HNRNPUL1: variants seen among roughly 807,000 people sequenced by gnomAD.
HNRNPUL1 encodes heterogeneous nuclear ribonucleoprotein U-like protein 1.
Under a neutral mutation model 108.5 loss-of-function variants are expected in HNRNPUL1, and 14 were observed. That is an observed-to-expected ratio of 0.13 (90% CI 0.09 to 0.20). HNRNPUL1 has a LOEUF of 0.20. Ranked by LOEUF, HNRNPUL1 falls within the 10% of genes least tolerant of loss-of-function variation. The pLI is 1.00. For synonymous variants in HNRNPUL1, 422 were observed against 445.2 expected, an observed-to-expected ratio of 0.95 and a Z score of 0.66; for missense variants, 804 against 1,168.3, an observed-to-expected ratio of 0.69 and a Z score of 4.55.
chr19:41,271,994 T>C, intron 2 of HNRNPUL1, 88 bp from the exon 3 acceptor site: 2 of 1,454,404 alleles, frequency 1.4e-6, no homozygotes, highest in Non-Finnish European at 9.4e-7. Flanking sequence ...AGGATCCTGC[T>C]CACATCTCTC....
rs2034669678 is a variant in HNRNPUL1, at chr19:41,264,383, C to T, written c.-121C>T. ...CGGTGGCGGCGGCCATTTTGAGCCG[C>T]TGCCGCCATTGGAGTGGGCCCCCCC... On this transcript the variant is annotated 5_prime_UTR_variant, in exon 1 of 15. Transcript: ENST00000392006. The T allele has an allele frequency of 7.0e-6, 6 of 851,286 alleles. No individual in the cohort carries two copies. The South Asian group carries it at 2.5e-4, about 35-fold the overall frequency. 52.7% of individuals were successfully genotyped at this position (851,286 alleles called of 1,614,324 possible). A position where few individuals can be genotyped will look rare whatever the true frequency, so the allele number is the denominator to read the frequency against.
chr19:41,265,393 A>T, intron 1 of HNRNPUL1: 1 of 1,511,184 alleles, frequency 6.6e-7, no homozygotes, highest in Non-Finnish European at 8.8e-7. Flanking sequence ...GTGGCTGGGG[A>T]GGGTCCTAAT....
At chr19:41,266,426 T>A (rs1203755925) in intron 1 of HNRNPUL1, among the ~76,000 whole-genome samples, 1 of 151,866 alleles carries the variant, frequency 6.6e-6, no homozygotes. Flanking sequence ...AAAGTGAAAC[T>A]CCGTCTCAAA....
At chr19:41,263,710 G>A (rs949462214), upstream of HNRNPUL1, among the ~76,000 whole-genome samples, 2 of 152,184 alleles carry the variant, frequency 1.3e-5, no homozygotes. Flanking sequence ...CGAAATTTGT[G>A]AGGCAGTCCT....
chr19:41,283,131 G>A (rs1174742183), intron 7 of HNRNPUL1, among the ~76,000 whole-genome samples: 2 of 152,288 alleles, frequency 1.3e-5, no homozygotes, highest in Admixed American at 1.3e-4. Flanking sequence ...GTAGGTACTA[G>A]TCTGTTTCAT....
At chr19:41,269,149 T>TAAA (rs113832910) in intron 2 of HNRNPUL1, among the ~76,000 whole-genome samples, 67 of 143,698 alleles carry the variant, frequency 4.7e-4, no homozygotes, top group African/African-American at 1.6e-3. Flanking sequence ...GTCCAGAATT[T>TAAA]AAAAAAAAAA....
intron 7 of HNRNPUL1, among the ~76,000 whole-genome samples, chr19:41,281,989 T>C (rs2035922424): frequency 6.6e-6 from 1 of 152,218 alleles, no homozygotes; most frequent in African/African-American, 2.4e-5. Context: ...GCACTTATAA[T>C]AATGCCTGAC....
At chr19:41,265,142 A>G in intron 1 of HNRNPUL1, 2 of 1,411,962 alleles carry the variant, frequency 1.4e-6, no homozygotes, top group Non-Finnish European at 1.8e-6. Context: ...TGGGTTGGGG[A>G]GGGTCTCGAA....
intron 7 of HNRNPUL1, among the ~76,000 whole-genome samples, chr19:41,287,534 T>G (rs1474738144): frequency 1.3e-5 from 2 of 152,090 alleles, no homozygotes; most frequent in Non-Finnish European, 2.9e-5. Context: ...TTCTCAGCCT[T>G]TTTTTGCATT....
At chr19:41,265,913 A>G (rs1018605311) in intron 1 of HNRNPUL1, among the ~76,000 whole-genome samples, 10 of 152,104 alleles carry the variant, frequency 6.6e-5, no homozygotes, top group African/African-American at 2.4e-4. Flanking sequence ...TGGAGGCCTC[A>G]GAGTGGAGTG....
chr19:41,302,893 G>A lies in HNRNPUL1; in HGVS notation c.1916G>A (p.Arg639His), dbSNP rs770360871. Residue 639 changes from arginine (R) to histidine (H), a missense_variant, in exon 12 of 15, where the codon CGT becomes CAT. Arg to His is a conservative substitution (Grantham distance 29). Transcript: ENST00000392006. ...AACCGAGGACCCCCTGGAGGCAACC[G>A]TGGCGGCTTCCAGAACCGAGGGGGA... ...YENRGPPGGNRGGFQNRGGGS... is the reference protein window; with the variant it reads ...YENRGPPGGNHGGFQNRGGGS... The A allele has an allele frequency of 2.6e-6, 4 of 1,542,010 alleles. No homozygotes were observed. Among genetic ancestry groups the A allele is most frequent in the South Asian group, 2.5e-5 (2 of 79,586 alleles).
intron 7 of HNRNPUL1, among the ~76,000 whole-genome samples, chr19:41,281,546 C>T (rs529552057): frequency 6.6e-6 from 1 of 152,098 alleles, no homozygotes; most frequent in African/African-American, 2.4e-5. Flanking sequence ...TCCTAGGTAC[C>T]AGAGTAACAT....
chr19:41,301,867 G>A (rs2037231175), intron 11 of HNRNPUL1, 163 bp downstream of exon 11: 2 of 659,610 alleles, frequency 3.0e-6, no homozygotes, highest in Admixed American at 3.3e-5. Context: ...AGCTGTGAAT[G>A]GAAAAGCTAC....
intron 3 of HNRNPUL1, among the ~76,000 whole-genome samples, chr19:41,273,635 C>T (rs2035373800): frequency 1.3e-5 from 2 of 152,290 alleles, no homozygotes; most frequent in South Asian, 4.1e-4. Flanking sequence ...CCACAGCCTC[C>T]AAACAGTAAC....
chr19:41,294,691 TTAA>T lies in HNRNPUL1; in HGVS notation c.1518+7_1518+9del. 6.2e-7 allele frequency: 1 copy of T among 1,614,102 alleles called. No individual in the cohort carries two copies. Among genetic ancestry groups the T allele is most frequent in the South Asian group, 1.1e-5 (1 of 91,022 alleles). On this transcript the variant is annotated splice_donor_region_variant and intron_variant, in intron 10 of 14. Transcript: ENST00000392006. The surrounding 1 kb of genome is among the most constrained non-coding windows in gnomAD (Gnocchi z 4.3). The stretch of plus-strand genomic sequence containing the variant: ...CGCAACTATATCCTAGATCAGGTAC[TTAA>T]TGATGACCATTGTGTCCTCAGGAGA...
In HNRNPUL1 at chr19:41,264,758, G is replaced by T; in HGVS notation, c.255G>T (p.Pro85=). The change falls in exon 1 of 15, where the codon CCG becomes CCT. Residue 85 remains proline (P), a synonymous_variant. Coordinates refer to ENST00000392006, the MANE Select transcript of HNRNPUL1 (RefSeq NM_007040.6). Reference sequence around the variant, plus strand: ...AGCCACCGCCGCCCGGGCTGCAGCCGCACGCGGAGCCCGGCGGCTACTCGG... The same window carrying T: ...AGCCACCGCCGCCCGGGCTGCAGCCTCACGCGGAGCCCGGCGGCTACTCGG... ...TAQPPPPGLQ[P]HAEPGGYSGP... 2 of 1,381,968 alleles carry T rather than the reference G, an allele frequency of 1.4e-6. No individual in the cohort carries two copies. The highest frequency in any genetic ancestry group is 1.9e-6 in the Non-Finnish European group (2 of 1,072,054). The allele number at this position is 1,381,968 out of a possible 1,614,324, so 85.6% of individuals were successfully genotyped here.
Position 41,264,396 on chromosome 19 carries a change from A to T in HNRNPUL1, c.-108A>T, listed in dbSNP as rs1843998759. The T allele has an allele frequency of 1.0e-6, 1 of 968,354 alleles. No homozygotes were observed. Among genetic ancestry groups the T allele is most frequent in the Non-Finnish European group, 1.4e-6 (1 of 734,146 alleles). 60.0% of individuals were successfully genotyped at this position (968,354 alleles called of 1,614,324 possible). A position where few individuals can be genotyped will look rare whatever the true frequency, so the allele number is the denominator to read the frequency against. ...CATTTTGAGCCGCTGCCGCCATTGGAGTGGGCCCCCCCCCTTTCCCCCTTC... is the reference window on the plus strand; with the variant it reads ...CATTTTGAGCCGCTGCCGCCATTGGTGTGGGCCCCCCCCCTTTCCCCCTTC... On this transcript the variant is annotated 5_prime_UTR_variant, in exon 1 of 15. Coordinates refer to ENST00000392006, the MANE Select transcript of HNRNPUL1 (RefSeq NM_007040.6).
intron 7 of HNRNPUL1, among the ~76,000 whole-genome samples, chr19:41,284,574 G>A (rs748978477): frequency 1.3e-5 from 2 of 152,136 alleles, no homozygotes; most frequent in African/African-American, 2.4e-5. Context: ...GCTGAGGATC[G>A]CTTGAGCCCA....
intron 1 of HNRNPUL1, among the ~76,000 whole-genome samples, chr19:41,266,230 C>A (rs1335931907): frequency 6.6e-6 from 1 of 152,072 alleles, no homozygotes; most frequent in Non-Finnish European, 1.5e-5. Flanking sequence ...GTCAGGAGTT[C>A]AAGACCAGTC....
Sources: allele counts gnomAD v4.1 joint callset (sites outside exome capture counted in the v4.1 genomes callset), GRCh38; gene constraint gnomAD v4.1.1; non-coding constraint Gnocchi (gnomAD v3.1); transcripts MANE v1.5; gene names NCBI Gene and HGNC (gene_info 2026-07-23, HGNC 2026-07-21).